FLACC1: variants seen among roughly 807,000 people sequenced by gnomAD.
FLACC1 encodes flagellum associated containing coiled-coil domains 1, also known as flagellum-associated coiled-coil domain-containing protein 1.
In FLACC1, 66 loss-of-function variants were observed where a neutral mutation model predicts 62.8. That is an observed-to-expected ratio of 1.05 (90% CI 0.86 to 1.29). The LOEUF (loss-of-function observed/expected upper bound fraction) is 1.29, where lower values mean the gene tolerates loss of function less well. FLACC1 is among the 50% of genes most tolerant of loss of function. The probability of loss-of-function intolerance (pLI) is 0.00; values close to 1 mark genes in which losing one functional copy is unlikely to be tolerated. For synonymous variants in FLACC1, 156 were observed against 161.0 expected (o/e 0.97, Z 0.24); for missense variants, 452 against 489.1 (o/e 0.92, Z 0.71).
intron 9 of FLACC1, among the ~76,000 whole-genome samples, chr2:201,320,327 G>A (rs1950380351): frequency 6.6e-6 from 1 of 152,266 alleles, no homozygotes; most frequent in Non-Finnish European, 1.5e-5. Context: ...GCAGCCATGA[G>A]TGCAGGAGCT....
chr2:201,330,933 G>T, intron 7 of FLACC1, 100 bp from the exon 8 acceptor site: 9 of 739,790 alleles, frequency 1.2e-5, no homozygotes, highest in South Asian at 2.5e-5. Context: ...CCCACAGGAA[G>T]TGAGGTTCTC....
upstream of FLACC1, among the ~76,000 whole-genome samples, chr2:201,361,628 A>G (rs1348142672): frequency 6.6e-6 from 1 of 152,220 alleles, no homozygotes; most frequent in African/African-American, 2.4e-5. Context: ...AACTCTTCAT[A>G]TTACTGGATA....
At chr2:201,348,639 C>A (rs1950965387) in intron 3 of FLACC1, among the ~76,000 whole-genome samples, 1 of 152,096 alleles carries the variant, frequency 6.6e-6, no homozygotes, top group Admixed American at 6.5e-5. Context: ...CCACCACCCC[C>A]TTACACACAA....
chr2:201,363,008 G>A, the FLACC1 span, among the ~76,000 whole-genome samples: 1 of 152,116 alleles, frequency 6.6e-6, no homozygotes, highest in Non-Finnish European at 1.5e-5. Flanking sequence ...TGGTAACCTG[G>A]AACTAGTCTG....
chr2:201,364,143 G>A, the FLACC1 span, among the ~76,000 whole-genome samples: 2 of 152,150 alleles, frequency 1.3e-5, no homozygotes, highest in Non-Finnish European at 2.9e-5. Flanking sequence ...CTACTGGTTT[G>A]TAGGTTGAAC....
At chr2:201,357,383 T>C (rs1951137803), upstream of FLACC1, 1 of 152,230 alleles carries the variant, frequency 6.6e-6, no homozygotes, top group South Asian at 2.1e-4. Flanking sequence ...CCAAAGTTTG[T>C]TTATTTTGTT....
chr2:201,303,745 T>C (rs1950040921), intron 11 of FLACC1, among the ~76,000 whole-genome samples: 1 of 152,206 alleles, frequency 6.6e-6, no homozygotes, highest in Non-Finnish European at 1.5e-5. Flanking sequence ...TCAAGTGGGC[T>C]TCATCCCTGG....
At chr2:201,335,066 T>C (rs1337727450) in intron 7 of FLACC1, among the ~76,000 whole-genome samples, 2 of 152,168 alleles carry the variant, frequency 1.3e-5, no homozygotes, top group African/African-American at 4.8e-5. Flanking sequence ...GATTATCCAA[T>C]TCATTGCCAT....
chr2:201,303,778 C>T lies in FLACC1; in HGVS notation c.879+3741G>A, dbSNP rs1034915576. 4.6e-5 allele frequency among the ~76,000 whole-genome samples: 7 copies of T among 152,098 alleles called. No homozygotes were observed. In the East Asian group the frequency reaches 5.8e-4, roughly 13 times the overall value. On this transcript the variant is annotated intron_variant, in intron 11 of 14. Transcript: ENST00000392257. ...TGGGATGCAAGGCTGGTTCAACATA[C>T]GCAAATCAATAAACGTAATCCATCA...
At chr2:201,344,099 G>T (rs1576471054) in intron 6 of FLACC1, 71 bp downstream of exon 6, 1 of 1,387,868 alleles carries the variant, frequency 7.2e-7, no homozygotes, top group Non-Finnish European at 1.0e-6. Flanking sequence ...ATTTTGCCTG[G>T]CACATAGGTG....
At chr2:201,344,336 T>G (rs978068162) in intron 5 of FLACC1, 73 bp from the exon 6 acceptor site, 47 of 1,288,934 alleles carry the variant, frequency 3.6e-5, no homozygotes, top group Middle Eastern at 1.8e-4. Context: ...TGAGCATGAC[T>G]GACTCTGGCA....
chr2:201,342,701 T>C (rs1950836401), intron 6 of FLACC1, among the ~76,000 whole-genome samples: 1 of 152,210 alleles, frequency 6.6e-6, no homozygotes, highest in African/African-American at 2.4e-5. Context: ...CTATTTTTTT[T>C]GGGTAGGTCT....
At chr2:201,310,726 T>TA (rs1950202340) in intron 9 of FLACC1, among the ~76,000 whole-genome samples, 1 of 152,136 alleles carries the variant, frequency 6.6e-6, no homozygotes, top group South Asian at 2.1e-4. Flanking sequence ...TTAAAGGCCT[T>TA]AAAAATGTTC....
At chr2:201,337,495 G>A (rs976013666) in intron 7 of FLACC1, among the ~76,000 whole-genome samples, 37 of 152,154 alleles carry the variant, frequency 2.4e-4, no homozygotes, top group African/African-American at 8.9e-4. Flanking sequence ...CATGCTTTAT[G>A]TTTATATGTC....
At chr2:201,347,216 C>T (rs1478357975) in intron 4 of FLACC1, among the ~76,000 whole-genome samples, 1 of 152,256 alleles carries the variant, frequency 6.6e-6, no homozygotes, top group Non-Finnish European at 1.5e-5. Context: ...AAGTCAGAAA[C>T]CTGGGCAGGG....
At chr2:201,325,042 G>A (rs1009723014) in intron 9 of FLACC1, among the ~76,000 whole-genome samples, 10 of 152,132 alleles carry the variant, frequency 6.6e-5, no homozygotes, top group Admixed American at 3.3e-4. Context: ...GCTGAGGTGC[G>A]AGAATTGCTT....
chr2:201,289,648 AC>A (rs1320033593), intron 13 of FLACC1, 47 bp downstream of exon 13: 1 of 1,611,088 alleles, frequency 6.2e-7, no homozygotes, highest in Admixed American at 1.7e-5. Context: ...CTGGATGGAG[AC>A]CTGGGTTCTT....
chr2:201,296,993 G>T (rs963396670), intron 12 of FLACC1, among the ~76,000 whole-genome samples: 5 of 152,008 alleles, frequency 3.3e-5, no homozygotes, highest in Non-Finnish European at 7.4e-5. Context: ...TTGGAGGGAC[G>T]TGGATGAATT....
intron 9 of FLACC1, among the ~76,000 whole-genome samples, chr2:201,317,585 T>C (rs774507534): frequency 2.6e-5 from 4 of 152,112 alleles, no homozygotes; most frequent in Admixed American, 6.6e-5. Context: ...CCATGCTCAC[T>C]GATGGGTAGA....
Sources: allele counts gnomAD v4.1 joint callset (sites outside exome capture counted in the v4.1 genomes callset), GRCh38; gene constraint gnomAD v4.1.1; transcripts MANE v1.5; gene names NCBI Gene and HGNC (gene_info 2026-07-23, HGNC 2026-07-21).